The following HDGFL3 variants were observed in gnomAD, a reference collection of about 807,000 sequenced individuals.
HDGFL3 encodes HDGF like 3, also known as hepatoma-derived growth factor-related protein 3.
In HDGFL3, 6 loss-of-function variants were observed where a neutral mutation model predicts 27.6. That is an observed-to-expected ratio of 0.22 (90% CI 0.12 to 0.43). The LOEUF (loss-of-function observed/expected upper bound fraction) is 0.43. Ranked by LOEUF, HDGFL3 falls within the 20% of genes least tolerant of loss-of-function variation. HDGFL3 has a pLI of 1.00. For synonymous variants in HDGFL3, 88 were observed against 88.9 expected (o/e 0.99, Z 0.05); for missense variants, 207 against 250.1 (o/e 0.83, Z 1.16).
intron 1 of HDGFL3, among the ~76,000 whole-genome samples, chr15:83,204,477 T>C (rs967182292): frequency 3.3e-5 from 5 of 152,164 alleles, no homozygotes; most frequent in African/African-American, 1.2e-4. Flanking sequence ...AGAGGGAGGA[T>C]ATATGAACAG....
intron 1 of HDGFL3, among the ~76,000 whole-genome samples, chr15:83,199,313 A>G (rs1567178548): frequency 6.6e-6 from 1 of 152,230 alleles, no homozygotes; most frequent in Admixed American, 6.5e-5. Flanking sequence ...TTAATAATAA[A>G]GTACTACTTC....
chr15:83,124,872 ACTT>A (rs1212851888), downstream of HDGFL3: 3 of 1,066,918 alleles, frequency 2.8e-6, no homozygotes, highest in African/African-American at 4.8e-5. Flanking sequence ...TTTCCATCAG[ACTT>A]CTTAGCAAAC....
At chr15:83,192,443 C>CA (rs1449525351) in intron 1 of HDGFL3, 1 of 370,732 alleles carries the variant, frequency 2.7e-6, no homozygotes, top group Non-Finnish European at 5.3e-6. Flanking sequence ...AGAGAGCAGA[C>CA]ATGGTGAGTA....
chr15:83,147,801 A>G lies in HDGFL3; in HGVS notation c.606+3414T>C, dbSNP rs188974867. Among the ~76,000 whole-genome samples, 58 of 152,354 alleles carry G rather than the reference A, an allele frequency of 3.8e-4. 1 individual carries two copies. Among genetic ancestry groups the G allele is most frequent in the African/African-American group, 1.4e-3 (58 of 41,578 alleles). ...GCTGACTACAATACAATAAAATTTAAAAAGTCTGATTGCTAAAAATATCAG... is the reference window on the plus strand; with the variant it reads ...GCTGACTACAATACAATAAAATTTAGAAAGTCTGATTGCTAAAAATATCAG... On this transcript the variant is annotated intron_variant, in intron 5 of 5. Transcript: ENST00000299633.
chr15:83,119,745 A>C, intron 3 of HDGFL3: 1 of 1,608,342 alleles, frequency 6.2e-7, no homozygotes, highest in Non-Finnish European at 8.5e-7. Flanking sequence ...GTATGTAAGG[A>C]AACGTTATGC....
intron 4 of HDGFL3, among the ~76,000 whole-genome samples, chr15:83,155,436 T>TG (rs2037015793): frequency 6.6e-6 from 1 of 152,198 alleles, no homozygotes; most frequent in Non-Finnish European, 1.5e-5. Context: ...ACACATTAGG[T>TG]GGAAGCTCAG....
At chr15:83,141,187 GAGTA>G (rs1422955599) in intron 5 of HDGFL3, among the ~76,000 whole-genome samples, 3 of 152,182 alleles carry the variant, frequency 2.0e-5, no homozygotes, top group African/African-American at 7.2e-5. Flanking sequence ...AGTCTCCTCT[GAGTA>G]AGTAGCCACA....
At chr15:83,123,746 C>G (rs1329346323), downstream of HDGFL3, among the ~76,000 whole-genome samples, 1 of 152,158 alleles carries the variant, frequency 6.6e-6, no homozygotes, top group Non-Finnish European at 1.5e-5. Context: ...GTCAGTCCAC[C>G]CTTAGTCCCA....
chr15:83,157,679 G>A (rs939677272), intron 3 of HDGFL3, 106 bp from the exon 4 acceptor site: 19 of 1,185,546 alleles, frequency 1.6e-5, no homozygotes, highest in Middle Eastern at 2.3e-4. Context: ...CCGCTTACTC[G>A]GAAGATTTTC....
At chr15:83,175,900 T>C (rs926179551) in intron 1 of HDGFL3, among the ~76,000 whole-genome samples, 2 of 152,160 alleles carry the variant, frequency 1.3e-5, no homozygotes, top group African/African-American at 4.8e-5. Context: ...AAAACATTCA[T>C]GGCTGAACAC....
Position 83,151,345 on chromosome 15 carries a change from G to A in HDGFL3, c.476C>T (p.Ser159Phe). The change falls in exon 5 of 6, where the codon TCC becomes TTC. Residue 159 changes from serine (S) to phenylalanine (F), a missense_variant. Coordinates refer to ENST00000299633, the MANE Select transcript of HDGFL3 (RefSeq NM_016073.4). ...SYTSKKSSKQ[S>F]RKSPGDEDDK... ...ATCTTCATCTCCTGGAGATTTCCGG[G>A]ACTGTTTAGAGGATTTCTAAATGTT... is the stretch of plus-strand genomic sequence containing the variant. 6.2e-7 allele frequency: 1 copy of A among 1,612,444 alleles called. No individual in the cohort carries two copies. Among genetic ancestry groups the A allele is most frequent in the South Asian group, 1.1e-5 (1 of 90,798 alleles).
Position 83,169,414 on chromosome 15 carries a change from C to CAAAAAAAAAAAAA in HDGFL3, c.85-5352_85-5340dup, listed in dbSNP as rs58159581. On this transcript the variant is annotated intron_variant, in intron 1 of 5. Coordinates refer to ENST00000299633, the MANE Select transcript of HDGFL3 (RefSeq NM_016073.4). ...TGGGCGACAGAGCGAGACTCCGTCT[C>CAAAAAAAAAAAAA]AAAAAAAAAAAAAAAAAAAAAAAAA... 3.1e-3 allele frequency among the ~76,000 whole-genome samples: 110 copies of CAAAAAAAAAAAAA among 35,594 alleles called. 1 individual carries two copies. The highest frequency in any genetic ancestry group is 0.05 in the Middle Eastern group (1 of 20). 23.4% of individuals were successfully genotyped at this position (35,594 alleles called of 152,430 possible).
intron 5 of HDGFL3, among the ~76,000 whole-genome samples, chr15:83,148,756 C>T (rs953093253): frequency 2.6e-5 from 4 of 152,148 alleles, no homozygotes; most frequent in Non-Finnish European, 4.4e-5. Context: ...TAGACTACTG[C>T]TACACATAAC....
At chr15:83,174,265 T>C (rs1224660618) in intron 1 of HDGFL3, among the ~76,000 whole-genome samples, 2 of 152,196 alleles carry the variant, frequency 1.3e-5, no homozygotes, top group African/African-American at 4.8e-5. Flanking sequence ...TCTGAGTATT[T>C]TCTCGAGCCC....
chr15:83,183,051 A>T (rs1454241861), intron 1 of HDGFL3, among the ~76,000 whole-genome samples: 1 of 152,204 alleles, frequency 6.6e-6, no homozygotes, highest in African/African-American at 2.4e-5. Context: ...AGAGGATGAG[A>T]CTAGTGTTAA....
chr15:83,146,871 AT>A (rs1054449672), intron 5 of HDGFL3, among the ~76,000 whole-genome samples: 1 of 151,978 alleles, frequency 6.6e-6, no homozygotes, highest in Non-Finnish European at 1.5e-5. Context: ...ATCTTCCAAC[AT>A]TTTTTCCTAT....
intron 1 of HDGFL3, among the ~76,000 whole-genome samples, chr15:83,171,588 A>G (rs2151410700): frequency 6.6e-6 from 1 of 152,358 alleles, no homozygotes; most frequent in South Asian, 2.1e-4. Flanking sequence ...TGTCCTCTGC[A>G]GCAACATGGA....
At chr15:83,120,582 TA>T (rs1407893199) in intron 3 of HDGFL3, among the ~76,000 whole-genome samples, 9 of 149,766 alleles carry the variant, frequency 6.0e-5, no homozygotes, top group African/African-American at 1.7e-4. Flanking sequence ...CAGCTCCAGC[TA>T]ATTCTTTTTT....
intron 3 of HDGFL3, chr15:83,122,739 T>C (rs2035385833): frequency 5.0e-6 from 8 of 1,610,670 alleles, no homozygotes; most frequent in Admixed American, 1.7e-5. Context: ...CTTCTTTCTC[T>C]TTCTCTCTTT....
Sources: allele counts gnomAD v4.1 joint callset (sites outside exome capture counted in the v4.1 genomes callset), GRCh38; gene constraint gnomAD v4.1.1; transcripts MANE v1.5; gene names NCBI Gene and HGNC (gene_info 2026-07-23, HGNC 2026-07-21).